Variants in FHIT observed in about 807,000 individuals in gnomAD.
FHIT encodes the protein fragile histidine triad diadenosine triphosphatase, also known as bis(5'-adenosyl)-triphosphatase.
FHIT carries 19 observed loss-of-function variants against 17.9 expected under a neutral mutation model. The ratio of observed to expected loss-of-function variants is 1.06; its 90% CI spans 0.74 to 1.56. The LOEUF is 1.56. FHIT is among the 40% of genes most tolerant of loss of function. FHIT has a pLI of 0.00. For synonymous variants in FHIT, 81 were observed against 69.7 expected (o/e 1.16, Z -0.81); for missense variants, 248 against 189.2 (o/e 1.31, Z -1.82).
intron 2 of FHIT, among the ~76,000 whole-genome samples, chr3:61,167,435 G>A (rs943050604): frequency 4.0e-5 from 6 of 151,434 alleles, no homozygotes; most frequent in East Asian, 1.9e-4. Flanking sequence ...TCAGGAGTTC[G>A]AGACCAGCCT....
intron 5 of FHIT, among the ~76,000 whole-genome samples, chr3:60,194,780 G>A (rs1157105849): frequency 6.6e-6 from 1 of 152,076 alleles, no homozygotes; most frequent in African/African-American, 2.4e-5. Flanking sequence ...CAAAGGACAT[G>A]AACAGACATT....
intron 5 of FHIT, among the ~76,000 whole-genome samples, chr3:60,339,847 C>T (rs1710429984): frequency 6.6e-6 from 1 of 152,124 alleles, no homozygotes; most frequent in Admixed American, 6.5e-5. Flanking sequence ...GCTATGCACG[C>T]TCATTTTTAA....
rs535867968 is a variant in FHIT at position 60,052,520 on chromosome 3, G to T, written c.104-38368C>A. Reference sequence around the variant, plus strand: ...TCTTTTACCAGTAGGCAGCTCATCTGAAAACAGTAGGAGGGAAAAGAGGGA... The same window carrying T: ...TCTTTTACCAGTAGGCAGCTCATCTTAAAACAGTAGGAGGGAAAAGAGGGA... On this transcript the variant is annotated intron_variant, in intron 5 of 9. Transcript: ENST00000492590. 3.3e-5 allele frequency among the ~76,000 whole-genome samples: 5 copies of T among 152,150 alleles called. No individual in the cohort carries two copies. The East Asian group carries it at 9.7e-4, about 29-fold the overall frequency.
chr3:59,983,567 C>T (rs1708750941), intron 7 of FHIT, among the ~76,000 whole-genome samples: 1 of 152,088 alleles, frequency 6.6e-6, no homozygotes, highest in Non-Finnish European at 1.5e-5. Context: ...TAGGAAAAAA[C>T]AGTACAAACA....
At chr3:60,127,924 T>C (rs1304987052) in intron 5 of FHIT, among the ~76,000 whole-genome samples, 1 of 152,170 alleles carries the variant, frequency 6.6e-6, no homozygotes, top group Non-Finnish European at 1.5e-5. Flanking sequence ...AGCCATCTCA[T>C]GCAGCCTGCA....
At chr3:60,955,633 T>TACACAC (rs1553778443) in intron 3 of FHIT, among the ~76,000 whole-genome samples, 585 of 39,412 alleles carry the variant, frequency 0.015, 15 homozygotes, top group African/African-American at 0.043. Flanking sequence ...TATATATATA[T>TACACAC]ACACACACAC....
At chr3:60,454,384 C>CT (rs111674048) in intron 5 of FHIT, among the ~76,000 whole-genome samples, 1,938 of 143,970 alleles carry the variant, frequency 0.013, 24 homozygotes, top group Middle Eastern at 0.062. Flanking sequence ...TTTAACCAAA[C>CT]TTTTTTTTTT....
At chr3:59,992,835 A>G (rs1039520368) in intron 7 of FHIT, among the ~76,000 whole-genome samples, 2 of 152,072 alleles carry the variant, frequency 1.3e-5, no homozygotes, top group Non-Finnish European at 2.9e-5. Context: ...GTGTCAGTGT[A>G]AAGACTCAGG....
chr3:60,708,490 C>G (rs1577095181), intron 4 of FHIT, among the ~76,000 whole-genome samples: 1 of 152,160 alleles, frequency 6.6e-6, no homozygotes, highest in Admixed American at 6.6e-5. Context: ...CATGAATTTG[C>G]CTGTCTTTGA....
chr3:60,707,478 T>A (rs2041403452), intron 4 of FHIT, among the ~76,000 whole-genome samples: 2 of 152,128 alleles, frequency 1.3e-5, no homozygotes, highest in Non-Finnish European at 2.9e-5. Context: ...CTAGGTGGAA[T>A]TTTCATGGTT....
chr3:60,590,956 G>T (rs141477893), intron 4 of FHIT, among the ~76,000 whole-genome samples: 2 of 152,100 alleles, frequency 1.3e-5, no homozygotes, highest in Admixed American at 6.5e-5. Context: ...ATCCAGGGGG[G>T]AAAAATGGAC....
intron 8 of FHIT, among the ~76,000 whole-genome samples, chr3:59,801,757 C>T (rs148545465): frequency 2.0e-5 from 3 of 152,102 alleles, no homozygotes; most frequent in South Asian, 2.1e-4. Context: ...AGTGAGGTTT[C>T]GAGTGGGTAA....
intron 3 of FHIT, among the ~76,000 whole-genome samples, chr3:60,847,862 T>C (rs1702987304): frequency 6.6e-6 from 1 of 152,182 alleles, no homozygotes; most frequent in Non-Finnish European, 1.5e-5. Flanking sequence ...AGGGTATTTC[T>C]TTATGGGAAT....
chr3:60,387,742 T>A (rs1482156217), intron 5 of FHIT, among the ~76,000 whole-genome samples: 2 of 152,130 alleles, frequency 1.3e-5, no homozygotes, highest in African/African-American at 4.8e-5. Flanking sequence ...ACACCATACT[T>A]ATCTTCCACA....
chr3:60,714,986 A>C (rs2041643629), intron 4 of FHIT, among the ~76,000 whole-genome samples: 1 of 152,182 alleles, frequency 6.6e-6, no homozygotes, highest in Non-Finnish European at 1.5e-5. Context: ...AGTCAATCCT[A>C]AGCCAAAAGA....
At chr3:60,641,457 A>G (rs1014134829) in intron 4 of FHIT, among the ~76,000 whole-genome samples, 8 of 152,312 alleles carry the variant, frequency 5.3e-5, no homozygotes, top group South Asian at 4.1e-4. Flanking sequence ...CAAAATGGCT[A>G]TGTCAAAATG....
chr3:60,962,323 A>G (rs1709495484), intron 3 of FHIT, among the ~76,000 whole-genome samples: 1 of 152,056 alleles, frequency 6.6e-6, no homozygotes, highest in Non-Finnish European at 1.5e-5. Context: ...GCTTAAGGAG[A>G]TTTTGGGCTG....
At chr3:60,875,250 A>C (rs1230639147) in intron 3 of FHIT, among the ~76,000 whole-genome samples, 1 of 151,980 alleles carries the variant, frequency 6.6e-6, no homozygotes, top group Non-Finnish European at 1.5e-5. Flanking sequence ...TCCAACATTC[A>C]TTTTTCTGTA....
intron 3 of FHIT, among the ~76,000 whole-genome samples, chr3:60,937,813 T>A (rs1013430795): frequency 2.0e-5 from 3 of 152,006 alleles, no homozygotes; most frequent in Non-Finnish European, 2.9e-5. Flanking sequence ...CCGCCTGCCT[T>A]AGCCTCCCAA....
Sources: gnomAD v4.1 joint callset for allele counts (sites outside exome capture counted in the v4.1 genomes callset) on GRCh38, gnomAD v4.1.1 for gene constraint, MANE v1.5 for transcripts, NCBI Gene and HGNC (gene_info 2026-07-23, HGNC 2026-07-21) for gene names.